ZNF438: variants seen among roughly 807,000 people sequenced by gnomAD.
ZNF438 encodes zinc finger protein 438.
Under a neutral mutation model 38.0 loss-of-function variants are expected in ZNF438, and 25 were observed. The ratio of observed to expected loss-of-function variants is 0.66; its 90% CI spans 0.48 to 0.92. ZNF438 has a LOEUF of 0.92. Among genes scored for constraint, ZNF438 ranks in the 40% least tolerant of loss-of-function variants. The pLI, the probability that ZNF438 is intolerant of heterozygous loss-of-function variation, is 0.00. For missense variants in ZNF438, 1,007 were observed against 999.6 expected (o/e 1.01, Z -0.10); for synonymous variants, 372 against 364.1 (o/e 1.02, Z -0.25).
chr10:30,934,729 A>G (rs1385766168), intron 2 of ZNF438, among the ~76,000 whole-genome samples: 1 of 152,238 alleles, frequency 6.6e-6, no homozygotes, highest in Non-Finnish European at 1.5e-5. Context: ...CCATATCTCT[A>G]GTTAGTAGTC....
chr10:30,992,156 T>C (rs2053568986), intron 1 of ZNF438, among the ~76,000 whole-genome samples: 1 of 152,216 alleles, frequency 6.6e-6, no homozygotes, highest in South Asian at 2.1e-4. Context: ...CTTCCCAGCC[T>C]ATACACTGTA....
chr10:30,929,026 A>C (rs1853256435), intron 2 of ZNF438, among the ~76,000 whole-genome samples: 1 of 152,168 alleles, frequency 6.6e-6, no homozygotes, highest in Non-Finnish European at 1.5e-5. Context: ...AACTGATGAG[A>C]TCTACCTCTG....
At chr10:30,973,140 C>CAT (rs1564769728) in intron 1 of ZNF438, among the ~76,000 whole-genome samples, 1 of 151,964 alleles carries the variant, frequency 6.6e-6, no homozygotes, top group African/African-American at 2.4e-5. Flanking sequence ...TTAAAGACTG[C>CAT]AGAAATCTGA....
At chr10:30,951,007 C>T (rs1365347474) in intron 1 of ZNF438, among the ~76,000 whole-genome samples, 11 of 139,558 alleles carry the variant, frequency 7.9e-5, no homozygotes, top group African/African-American at 2.4e-4. Flanking sequence ...CAATAAAATA[C>T]TGGCAAAACG....
chr10:30,845,357 A>G lies in ZNF438; in HGVS notation c.2091T>C (p.Ala697=), dbSNP rs143808981. Residue 697 remains alanine, a synonymous_variant, in exon 6 of 6, where the codon GCT becomes GCC. Coordinates refer to ENST00000413025, the Ensembl canonical transcript of ZNF438. Reference sequence around the variant, plus strand: ...CAGGATGCCTTTTCCAGTCGGGGCTAGCGTGCTGCACCAACTCTTCCTGAG... The same window carrying G: ...CAGGATGCCTTTTCCAGTCGGGGCTGGCGTGCTGCACCAACTCTTCCTGAG... The G allele has an allele frequency of 2.3e-3, 3,659 of 1,614,148 alleles. 11 individuals are homozygous for G. The highest frequency in any genetic ancestry group is 2.8e-3 in the Non-Finnish European group (3,315 of 1,180,024).
chr10:30,955,092 C>T (rs1323197688), intron 1 of ZNF438, among the ~76,000 whole-genome samples: 1 of 152,182 alleles, frequency 6.6e-6, no homozygotes, highest in Non-Finnish European at 1.5e-5. Context: ...ACTGCCTCTT[C>T]ATTATATTGT....
intron 4 of ZNF438, among the ~76,000 whole-genome samples, chr10:30,859,641 G>A (rs2035257721): frequency 6.6e-6 from 1 of 152,126 alleles, no homozygotes; most frequent in Non-Finnish European, 1.5e-5. Flanking sequence ...TATGAAATGG[G>A]CATAATAATA....
intron 2 of ZNF438, among the ~76,000 whole-genome samples, chr10:30,922,416 A>G (rs1471649100): frequency 6.6e-6 from 1 of 152,256 alleles, no homozygotes; most frequent in Admixed American, 6.5e-5. Context: ...TTTAAAAGAT[A>G]AGTTTGAAAA....
Position 30,939,764 on chromosome 10 carries a change from A to G in ZNF438, c.-115+1811T>C, listed in dbSNP as rs530080859. Reference sequence around the variant, plus strand: ...AACCTGCCCAGAAACTTTCTGTCCTATTTCTAGAGCATGGGAGATATATCT... The same window carrying G: ...AACCTGCCCAGAAACTTTCTGTCCTGTTTCTAGAGCATGGGAGATATATCT... On this transcript the variant is annotated intron_variant, in intron 2 of 5. Coordinates refer to ENST00000413025, the Ensembl canonical transcript of ZNF438. Among the ~76,000 whole-genome samples, 20 of 152,260 alleles carry G rather than the reference A, an allele frequency of 1.3e-4. No homozygotes were observed. The East Asian group carries it at 2.1e-3, about 16-fold the overall frequency.
chr10:31,001,078 T>G (rs1217691201), intron 1 of ZNF438, among the ~76,000 whole-genome samples: 1 of 152,198 alleles, frequency 6.6e-6, no homozygotes, highest in Non-Finnish European at 1.5e-5. Flanking sequence ...TACAACCCAT[T>G]GCACTCATTA....
At chr10:30,973,815 T>C (rs1021189423) in intron 1 of ZNF438, among the ~76,000 whole-genome samples, 4 of 152,206 alleles carry the variant, frequency 2.6e-5, no homozygotes, top group South Asian at 4.1e-4. Context: ...GCTGCATAGA[T>C]TTTATTCAGT....
intron 4 of ZNF438, among the ~76,000 whole-genome samples, chr10:30,855,332 T>A (rs938762185): frequency 6.6e-6 from 1 of 152,170 alleles, no homozygotes; most frequent in African/African-American, 2.4e-5. Flanking sequence ...CTCCTCAAGG[T>A]CCCTGCGATT....
At chr10:30,845,250 T>A (rs1223789910) in exon 6 of ZNF438, 1 of 1,614,166 alleles carries the variant, frequency 6.2e-7, no homozygotes. Flanking sequence ...GCCATTCTGA[T>A]GAAGGTGGAG....
chr10:30,969,692 C>T (rs1269063362), intron 1 of ZNF438, among the ~76,000 whole-genome samples: 1 of 152,170 alleles, frequency 6.6e-6, no homozygotes, highest in Non-Finnish European at 1.5e-5. Context: ...AGAGCTTACT[C>T]TGGAAATGAG....
chr10:30,849,749 G>A (rs150615113), exon 5 of ZNF438: 26 of 1,614,092 alleles, frequency 1.6e-5, no homozygotes, highest in Non-Finnish European at 2.1e-5. Context: ...TGATGCTGGG[G>A]TAGCAGGAGG....
At chr10:30,861,804 T>C (rs914633695) in intron 4 of ZNF438, among the ~76,000 whole-genome samples, 1 of 152,222 alleles carries the variant, frequency 6.6e-6, no homozygotes, top group African/African-American at 2.4e-5. Context: ...GTTTATTTTT[T>C]GGCAAAAATA....
chr10:30,955,887 G>A (rs985734367), intron 1 of ZNF438, among the ~76,000 whole-genome samples: 3 of 152,172 alleles, frequency 2.0e-5, no homozygotes, highest in African/African-American at 7.2e-5. Context: ...CTAACTGAAA[G>A]CAGAAACCTG....
intron 1 of ZNF438, among the ~76,000 whole-genome samples, chr10:30,966,439 G>A (rs1036098917): frequency 6.6e-6 from 1 of 152,134 alleles, no homozygotes; most frequent in Non-Finnish European, 1.5e-5. Flanking sequence ...AGAAGGCCGA[G>A]GCGGGTGGAT....
intron 3 of ZNF438, among the ~76,000 whole-genome samples, chr10:30,888,184 CCACTT>C (rs1453905673): frequency 6.6e-6 from 1 of 151,972 alleles, no homozygotes; most frequent in Non-Finnish European, 1.5e-5. Context: ...TAAGCACGGA[CCACTT>C]AACTTTAGAA....
Sources: gnomAD v4.1 joint callset for allele counts (sites outside exome capture counted in the v4.1 genomes callset) on GRCh38, gnomAD v4.1.1 for gene constraint, MANE v1.5 for transcripts, NCBI Gene and HGNC (gene_info 2026-07-23, HGNC 2026-07-21) for gene names.